The following MET variants were observed in gnomAD, a reference collection of about 807,000 sequenced individuals.
The protein encoded by MET is hepatocyte growth factor receptor.
Under a neutral mutation model 133.1 loss-of-function variants are expected in MET, and 48 were observed. The observed-to-expected ratio is 0.36, with a 90% CI of 0.29 to 0.46. The LOEUF is 0.46. MET is among the 20% of genes least tolerant of loss of function. The pLI, the probability that MET is intolerant of heterozygous loss-of-function variation, is 1.00. For missense variants in MET, 1,442 were observed against 1,695.9 expected, an observed-to-expected ratio of 0.85 and a Z score of 2.63; for synonymous variants, 628 against 616.5, an observed-to-expected ratio of 1.02 and a Z score of -0.28.
intron 1 of MET, among the ~76,000 whole-genome samples, chr7:116,695,025 A>G (rs1028630144): frequency 1.4e-4 from 21 of 152,234 alleles, no homozygotes; most frequent in Admixed American, 5.9e-4. Flanking sequence ...TTCACACTGC[A>G]TTAATGGACA....
chr7:116,692,424 C>G (rs1031760756), intron 1 of MET, among the ~76,000 whole-genome samples: 2 of 152,106 alleles, frequency 1.3e-5, no homozygotes, highest in East Asian at 3.8e-4. Flanking sequence ...CCTGAGGAAT[C>G]GGTGTTTGAA....
intron 2 of MET, among the ~76,000 whole-genome samples, chr7:116,728,167 T>C (rs1308331627): frequency 6.6e-6 from 1 of 152,204 alleles, no homozygotes; most frequent in Non-Finnish European, 1.5e-5. Flanking sequence ...GGTTAGAGTC[T>C]CCTGGCTTAT....
intron 2 of MET, among the ~76,000 whole-genome samples, chr7:116,709,174 G>A (rs1209123853): frequency 6.6e-6 from 1 of 152,132 alleles, no homozygotes; most frequent in Non-Finnish European, 1.5e-5. Context: ...TATAGGCAAT[G>A]CCTTCATCTT....
At chr7:116,716,901 G>A (rs143759287) in intron 2 of MET, among the ~76,000 whole-genome samples, 5 of 152,308 alleles carry the variant, frequency 3.3e-5, no homozygotes, top group East Asian at 1.9e-4. Flanking sequence ...ACACACAACC[G>A]CAGAGCATGC....
intron 1 of MET, among the ~76,000 whole-genome samples, chr7:116,690,715 A>G (rs1198139331): frequency 1.3e-5 from 2 of 152,186 alleles, no homozygotes; most frequent in African/African-American, 4.8e-5. Context: ...GGATCTATCC[A>G]CTTTTCCATT....
At chr7:116,793,385 G>A (rs1795573084) in intron 19 of MET, among the ~76,000 whole-genome samples, 1 of 151,500 alleles carries the variant, frequency 6.6e-6, no homozygotes, top group African/African-American at 2.4e-5. Flanking sequence ...ATGTTGGCCA[G>A]GCTGGTCCCG....
chr7:116,783,594 TA>T, intron 19 of MET, 125 bp downstream of exon 19: 2 of 953,552 alleles, frequency 2.1e-6, no homozygotes, highest in Non-Finnish European at 3.2e-6. Context: ...TCTTCATATG[TA>T]AAAATGGACT....
At chr7:116,747,227 A>G (rs1179632454) in intron 5 of MET, among the ~76,000 whole-genome samples, 1 of 152,220 alleles carries the variant, frequency 6.6e-6, no homozygotes, top group Non-Finnish European at 1.5e-5. Context: ...AAGAAACTAC[A>G]TCAACCAATG....
intron 3 of MET, among the ~76,000 whole-genome samples, chr7:116,736,053 C>T (rs918014783): frequency 6.6e-6 from 1 of 152,056 alleles, no homozygotes; most frequent in East Asian, 1.9e-4. Flanking sequence ...GCTGGGATTA[C>T]AGGTATGAGT....
intron 1 of MET, among the ~76,000 whole-genome samples, chr7:116,691,403 A>G (rs903231460): frequency 6.6e-6 from 1 of 152,224 alleles, no homozygotes; most frequent in Non-Finnish European, 1.5e-5. Flanking sequence ...TTTTACGTAA[A>G]GTTGGTTTTA....
intron 1 of MET, among the ~76,000 whole-genome samples, chr7:116,698,112 T>G (rs1797032078): frequency 6.6e-6 from 1 of 152,194 alleles, no homozygotes. Flanking sequence ...TTAGTTTATA[T>G]TCATTCTAAG....
chr7:116,718,439 AAC>A (rs771160906), intron 2 of MET, among the ~76,000 whole-genome samples: 1 of 152,098 alleles, frequency 6.6e-6, no homozygotes, highest in Non-Finnish European at 1.5e-5. Context: ...TAAATAATAA[AAC>A]ACATTGTTTA....
chr7:116,793,353 T>G (rs1334283549), intron 19 of MET, among the ~76,000 whole-genome samples: 1 of 151,786 alleles, frequency 6.6e-6, no homozygotes, highest in Non-Finnish European at 1.5e-5. Context: ...TTTTGTATTT[T>G]TAGTAGAGAC....
intron 2 of MET, among the ~76,000 whole-genome samples, chr7:116,715,922 C>G (rs765082989): frequency 6.6e-6 from 1 of 152,068 alleles, no homozygotes; most frequent in Non-Finnish European, 1.5e-5. Context: ...TTGTAGGAGG[C>G]CATGTAGGCA....
intron 2 of MET, among the ~76,000 whole-genome samples, chr7:116,717,000 CTA>C (rs1310887358): frequency 1.3e-5 from 2 of 152,164 alleles, no homozygotes; most frequent in Non-Finnish European, 1.5e-5. Context: ...CAGGCCATGA[CTA>C]TTGAAGCCAT....
chr7:116,760,467 C>T (rs1299199370), intron 10 of MET, among the ~76,000 whole-genome samples: 3 of 152,064 alleles, frequency 2.0e-5, no homozygotes, highest in Non-Finnish European at 2.9e-5. Context: ...AGATTCCATA[C>T]ATTTTGTTGA....
In MET at chr7:116,759,489, TG is replaced by T; in HGVS notation, c.2364+1del. 6.2e-7 allele frequency: 1 copy of T among 1,612,728 alleles called. No individual in the cohort carries two copies. The highest frequency in any genetic ancestry group is 8.5e-7 in the Non-Finnish European group (1 of 1,179,382). On this transcript the variant is annotated frameshift_variant and splice_region_variant, in exon 10 of 21. Transcript: ENST00000397752. LOFTEE classifies it high-confidence loss of function. The part of the protein sequence containing the change: ...NVHEAGRNFT[V>X]ACQHRSNSEI... Reference sequence around the variant, plus strand: ...CATGAAGCAGGAAGGAACTTTACAGTGGTAAGTCCTTTGAGCAATGGTTCTA... The same window carrying T: ...CATGAAGCAGGAAGGAACTTTACAGTGTAAGTCCTTTGAGCAATGGTTCTA...
At chr7:116,750,562 C>T (rs1793877401) in intron 5 of MET, among the ~76,000 whole-genome samples, 1 of 152,158 alleles carries the variant, frequency 6.6e-6, no homozygotes, top group African/African-American at 2.4e-5. Flanking sequence ...GCAATGGCAA[C>T]AAAAGTCTAA....
chr7:116,702,867 A>C (rs1253077547), intron 2 of MET, among the ~76,000 whole-genome samples: 3 of 152,148 alleles, frequency 2.0e-5, no homozygotes, highest in African/African-American at 7.2e-5. Context: ...TTTCTATCAC[A>C]AGATCAGATA....
Sources: gnomAD v4.1 joint callset for allele counts (sites outside exome capture counted in the v4.1 genomes callset) on GRCh38, gnomAD v4.1.1 for gene constraint, MANE v1.5 for transcripts, NCBI Gene and HGNC (gene_info 2026-07-23, HGNC 2026-07-21) for gene names.